The following TUSC3 variants were observed in gnomAD, a reference collection of about 807,000 sequenced individuals.
The protein encoded by TUSC3 is tumor suppressor candidate 3.
A neutral mutation model predicts 44.8 loss-of-function variants in TUSC3; 45 were observed. The observed-to-expected ratio is 1.00, with a 90% confidence interval of 0.79 to 1.29. The LOEUF (loss-of-function observed/expected upper bound fraction) is 1.29. Among genes scored for constraint, TUSC3 ranks in the 50% most tolerant of loss-of-function variants. The pLI is 0.00. For missense variants in TUSC3, 519 were observed against 437.9 expected (o/e 1.19, Z -1.65); for synonymous variants, 212 against 152.9 (o/e 1.39, Z -2.85).
intron 3 of TUSC3, among the ~76,000 whole-genome samples, chr8:15,657,918 A>C (rs1204448428): frequency 6.6e-6 from 1 of 152,190 alleles, no homozygotes; most frequent in Non-Finnish European, 1.5e-5. Flanking sequence ...GCGTCTTGCC[A>C]GGCACTTCTT....
intron 1 of TUSC3, among the ~76,000 whole-genome samples, chr8:15,443,177 T>C (rs1800042775): frequency 6.6e-6 from 1 of 151,868 alleles, no homozygotes; most frequent in Non-Finnish European, 1.5e-5. Flanking sequence ...CCTTCCTTTC[T>C]TTTTTTTAGA....
the TUSC3 span, among the ~76,000 whole-genome samples, chr8:15,797,294 G>T: frequency 6.6e-4 from 100 of 152,344 alleles, no homozygotes; most frequent in Non-Finnish European, 1.1e-3. Context: ...ATGCCCAAGA[G>T]AGGTACATTC....
intron 6 of TUSC3, among the ~76,000 whole-genome samples, chr8:15,703,524 C>T (rs1357119682): frequency 6.6e-6 from 1 of 152,000 alleles, no homozygotes; most frequent in African/African-American, 2.4e-5. Flanking sequence ...AAAGGAATAC[C>T]TGAGACTAGG....
intron 2 of TUSC3, among the ~76,000 whole-genome samples, chr8:15,503,290 C>G (rs1006716425): frequency 3.3e-5 from 5 of 152,128 alleles, no homozygotes; most frequent in African/African-American, 1.2e-4. Flanking sequence ...TCAGAAGAAA[C>G]TAACCCTGCC....
At chr8:15,843,596 A>ACG in the TUSC3 span, among the ~76,000 whole-genome samples, 1 of 136,148 alleles carries the variant, frequency 7.3e-6, no homozygotes. Flanking sequence ...TGATGTACAT[A>ACG]TATATATATA....
intron 1 of TUSC3, among the ~76,000 whole-genome samples, chr8:15,441,283 T>C (rs555808275): frequency 6.6e-6 from 1 of 152,256 alleles, no homozygotes; most frequent in Non-Finnish European, 1.5e-5. Flanking sequence ...GGCACGTGGC[T>C]GTAATCCCAG....
chr8:15,685,032 T>C (rs1808572692), intron 6 of TUSC3, among the ~76,000 whole-genome samples: 1 of 152,162 alleles, frequency 6.6e-6, no homozygotes, highest in African/African-American at 2.4e-5. Context: ...CAGCAGTAGC[T>C]ACAGCCACTC....
intron 1 of TUSC3, among the ~76,000 whole-genome samples, chr8:15,563,915 C>A (rs1410415132): frequency 6.6e-6 from 1 of 151,950 alleles, no homozygotes; most frequent in Non-Finnish European, 1.5e-5. Flanking sequence ...TAGGCATTTT[C>A]CTTTTCATGA....
the TUSC3 span, among the ~76,000 whole-genome samples, chr8:15,823,014 C>A: frequency 6.6e-6 from 1 of 152,100 alleles, no homozygotes; most frequent in Non-Finnish European, 1.5e-5. Flanking sequence ...CTGTCCCCAT[C>A]AAAGATTTTT....
chr8:15,788,792 C>T, the TUSC3 span, among the ~76,000 whole-genome samples: 2 of 152,142 alleles, frequency 1.3e-5, no homozygotes, highest in African/African-American at 4.8e-5. Flanking sequence ...GAGATGCTAA[C>T]ATCCTCATCA....
intron 2 of TUSC3, among the ~76,000 whole-genome samples, chr8:15,526,716 C>G (rs934940172): frequency 6.6e-6 from 1 of 152,058 alleles, no homozygotes; most frequent in Non-Finnish European, 1.5e-5. Context: ...TATAAGTTAC[C>G]CAGTCTCAGG....
intron 6 of TUSC3, among the ~76,000 whole-genome samples, chr8:15,698,678 T>C (rs1244387205): frequency 1.3e-5 from 2 of 152,186 alleles, no homozygotes; most frequent in African/African-American, 4.8e-5. Context: ...ATTTTTTCTG[T>C]GCCATTCTCT....
At chr8:15,439,826 C>G (rs17473269) in intron 1 of TUSC3, among the ~76,000 whole-genome samples, 14,666 of 152,222 alleles carry the variant, frequency 0.096, 976 homozygotes, top group Non-Finnish European at 0.15. Flanking sequence ...TGTCACCATA[C>G]AAATCTGTCT....
chr8:15,459,527 A>G (rs1047724370), intron 1 of TUSC3, among the ~76,000 whole-genome samples: 22 of 152,038 alleles, frequency 1.4e-4, no homozygotes, highest in East Asian at 1.2e-3. Flanking sequence ...ATGTGAGTAC[A>G]TTCTTTAGTG....
At chr8:15,770,128 A>G (rs1812415257), downstream of TUSC3, among the ~76,000 whole-genome samples, 1 of 152,178 alleles carries the variant, frequency 6.6e-6, no homozygotes, top group African/African-American at 2.4e-5. Context: ...TTGTTGCAGC[A>G]CTGTTCATAA....
intron 2 of TUSC3, among the ~76,000 whole-genome samples, chr8:15,525,228 T>C (rs2129130089): frequency 6.6e-6 from 1 of 152,306 alleles, no homozygotes; most frequent in African/African-American, 2.4e-5. Flanking sequence ...CCTCTATACC[T>C]AAGTAAAACT....
intron 2 of TUSC3, among the ~76,000 whole-genome samples, chr8:15,626,424 G>T (rs1382315170): frequency 6.6e-6 from 1 of 152,222 alleles, no homozygotes; most frequent in Non-Finnish European, 1.5e-5. Flanking sequence ...GCCAGTGGGA[G>T]CGGGGAGCAG....
chr8:15,451,729 C>T (rs949559549), intron 1 of TUSC3, among the ~76,000 whole-genome samples: 3 of 152,072 alleles, frequency 2.0e-5, no homozygotes, highest in Non-Finnish European at 2.9e-5. Flanking sequence ...GGCTTGCAAT[C>T]GATGGGGGCA....
At chr8:15,712,417 A>C (rs1445346685) in intron 6 of TUSC3, among the ~76,000 whole-genome samples, 1 of 152,088 alleles carries the variant, frequency 6.6e-6, no homozygotes, top group Non-Finnish European at 1.5e-5. Context: ...CAGTTCCAAA[A>C]CCAAGATCTT....
Sources: allele counts gnomAD v4.1 joint callset (sites outside exome capture counted in the v4.1 genomes callset), GRCh38; gene constraint gnomAD v4.1.1; transcripts MANE v1.5; gene names NCBI Gene and HGNC (gene_info 2026-07-23, HGNC 2026-07-21).